Variants in ADAMTS1 observed in about 807,000 individuals in gnomAD.
The protein encoded by ADAMTS1 is A disintegrin and metalloproteinase with thrombospondin motifs 1.
In ADAMTS1, 19 loss-of-function variants were observed where a neutral mutation model predicts 87.9. The observed-to-expected ratio is 0.22, with a 90% CI of 0.15 to 0.32. The LOEUF (loss-of-function observed/expected upper bound fraction) is 0.32, where lower values mean the gene tolerates loss of function less well. Ranked by LOEUF, ADAMTS1 falls within the 10% of genes least tolerant of loss-of-function variation. The probability of loss-of-function intolerance (pLI) is 1.00; values close to 1 mark genes in which losing one functional copy is unlikely to be tolerated. For missense variants in ADAMTS1, 1,240 were observed against 1,259.1 expected, an observed-to-expected ratio of 0.98 and a Z score of 0.23; for synonymous variants, 542 against 501.8, an observed-to-expected ratio of 1.08 and a Z score of -1.07.
intron 1 of ADAMTS1, 137 bp downstream of exon 1, chr21:26,844,088 C>T: frequency 5.4e-6 from 6 of 1,107,674 alleles, no homozygotes; most frequent in Non-Finnish European, 7.5e-6. Context: ...AAACCACATT[C>T]CTCCACTCCA....
At chr21:26,839,263 A>G (rs1186952542) in intron 7 of ADAMTS1, 1 of 193,526 alleles carries the variant, frequency 5.2e-6, no homozygotes, top group Admixed American at 5.6e-5. Context: ...CTGTGTGAAT[A>G]TAAAATGTAT....
intron 1 of ADAMTS1, chr21:26,843,748 A>G (rs769233134): frequency 2.0e-6 from 1 of 496,396 alleles, no homozygotes. Context: ...GTACCTTCCC[A>G]GGTCACCATT....
Position 26,837,892 on chromosome 21 carries a change from C to T in ADAMTS1, c.2591G>A (p.Gly864Asp). The change falls in exon 9 of 9, where the codon GGC (glycine) becomes GAC (aspartate). Residue 864 changes from glycine to aspartate, a missense_variant. Transcript: ENST00000284984. ...CAATTCACATGACTTAGAACATTCG[C>T]CCCACTCTTCAATGACCCATGCTGA... ...TFSAWVIEEW[G>D]ECSKSCELGW... The T allele has an allele frequency of 1.2e-6, 2 of 1,614,226 alleles. No individual in the cohort carries two copies. Among genetic ancestry groups the T allele is most frequent in the Non-Finnish European group, 1.7e-6 (2 of 1,180,030 alleles).
chr21:26,840,116 G>A (rs570511774), intron 5 of ADAMTS1, 55 bp from the exon 6 acceptor site: 133 of 1,567,104 alleles, frequency 8.5e-5, no homozygotes, highest in Admixed American at 1.7e-4. Context: ...AACTTTTAGG[G>A]TATCAAAGAA....
rs2123316340 is a variant in ADAMTS1 at position 26,838,575 on chromosome 21, C to T, written c.2068G>A (p.Val690Ile). The change falls in exon 8 of 9, where the codon GTC (valine) becomes ATC (isoleucine). Residue 690 changes from valine to isoleucine, a missense_variant. By Grantham distance (29) the Val-to-Ile change is conservative. Around this residue, in one of 3 missense-constraint regions of ADAMTS1, gnomAD observed 402 missense variants for 399.1 expected, o/e 1.01. Coordinates refer to ENST00000284984, the MANE Select transcript of ADAMTS1 (RefSeq NM_006988.5). ...GTPCSPDSTS[V>I]CVQGQCVKAG... is the part of the protein sequence containing the mutation. The stretch of plus-strand genomic sequence containing the variant: ...TTTACACACTGTCCTTGCACACAGA[C>T]AGAGGTGGAATCTGGGCTACATGGA... 1 of 1,614,086 alleles carries T rather than the reference C, an allele frequency of 6.2e-7. No homozygotes were observed. Among genetic ancestry groups the T allele is most frequent in the South Asian group, 1.1e-5 (1 of 91,080 alleles).
chr21:26,840,157 A>T (rs1158976319), intron 5 of ADAMTS1, 96 bp from the exon 6 acceptor site: 2 of 1,548,700 alleles, frequency 1.3e-6, no homozygotes, highest in Non-Finnish European at 1.7e-6. Context: ...CAGTTCTAAA[A>T]ATAAGCTATC....
chr21:26,839,456 G>A, intron 7 of ADAMTS1, 131 bp downstream of exon 7: 1 of 851,902 alleles, frequency 1.2e-6, no homozygotes, highest in South Asian at 2.3e-5. Context: ...TAATGTAAAA[G>A]AAAAGGAGTT....
At chr21:26,841,821 T>C in intron 3 of ADAMTS1, 37 bp downstream of exon 3, 1 of 1,593,898 alleles carries the variant, frequency 6.3e-7, no homozygotes, top group Non-Finnish European at 8.5e-7. Flanking sequence ...TTTACATTTC[T>C]GAATTGAGCT....
Position 26,838,276 on chromosome 21 carries a change from G to C in ADAMTS1, c.2207C>G (p.Pro736Arg). 2 of 1,599,400 alleles carry C rather than the reference G, an allele frequency of 1.3e-6. No individual in the cohort carries two copies. The highest frequency in any genetic ancestry group is 1.7e-6 in the Non-Finnish European group (2 of 1,171,336). The part of the protein sequence containing the change: ...KISGSVTSAK[P>R]GYHDIITIPT... ...AATTGTGATGATATCATGATATCCA[G>C]GTCTGCAGGTGACAAAAACAGGCAT... The change falls in exon 9 of 9, where the codon CCT becomes CGT. Residue 736 changes from proline to arginine, a missense_variant and splice_region_variant. Around this residue, in one of 3 missense-constraint regions of ADAMTS1, gnomAD observed 402 missense variants for 399.1 expected, o/e 1.01. Coordinates refer to ENST00000284984, the MANE Select transcript of ADAMTS1 (RefSeq NM_006988.5).
At position 26,838,603 on chromosome 21, in the gene ADAMTS1, A is replaced by G; in HGVS notation, c.2040T>C (p.Gly680=). ...AGGTGGAATCTGGGCTACATGGAGT[A>G]CCATCTACAACCTGAAAAAAGGACA... The part of the protein sequence containing the change: ...FFVLQPKVVD[G]TPCSPDSTSV... The change falls in exon 8 of 9, where the codon GGT becomes GGC. Residue 680 remains glycine, a synonymous_variant. Coordinates refer to ENST00000284984, the MANE Select transcript of ADAMTS1 (RefSeq NM_006988.5). 6.2e-7 allele frequency: 1 copy of G among 1,613,676 alleles called. No individual in the cohort carries two copies. Among genetic ancestry groups the G allele is most frequent in the East Asian group, 2.2e-5 (1 of 44,864 alleles).
Position 26,837,596 on chromosome 21 carries a change from T to TTGTGCAAAAGTCTATGAAA in ADAMTS1, c.2868_2886dup (p.Met963PhefsTer26). The TTGTGCAAAAGTCTATGAAA allele has an allele frequency of 6.2e-7, 1 of 1,613,990 alleles. No homozygotes were observed. The highest frequency in any genetic ancestry group is 8.5e-7 in the Non-Finnish European group (1 of 1,179,932). On this transcript the variant is annotated frameshift_variant, in exon 9 of 9. Coordinates refer to ENST00000284984, the MANE Select transcript of ADAMTS1 (RefSeq NM_006988.5). LOFTEE classifies it high-confidence loss of function. ...TAAACCACTTAACTGCATTCTGCCA[T>TTGTGCAAAAGTCTATGAAA]TGTGCAAAAGTCTATGAAATGTTTA...
chr21:26,837,129 C>A lies in ADAMTS1; in HGVS notation c.*450G>T, dbSNP rs950616267. 6.1e-6 allele frequency: 1 copy of A among 163,886 alleles called. No homozygotes were observed. Among genetic ancestry groups the A allele is most frequent in the African/African-American group, 2.4e-5 (1 of 41,538 alleles). 10.2% of individuals were successfully genotyped at this position (163,886 alleles called of 1,614,324 possible). ...ATCCTATTTGTACTCCTTTCTCCCC[C>A]CATTGTTAGTGAGGTAAAGTAAAAC... On this transcript the variant is annotated 3_prime_UTR_variant, in exon 9 of 9. Transcript: ENST00000284984.
chr21:26,844,888 G>T lies in ADAMTS1; in HGVS notation c.67C>A (p.Arg23=), dbSNP rs201167243. The T allele has an allele frequency of 5.2e-6, 8 of 1,533,886 alleles. No homozygotes were observed. Among genetic ancestry groups the T allele is most frequent in the East Asian group, 2.3e-5 (1 of 43,668 alleles). Residue 23 remains arginine (R), a synonymous_variant, in exon 1 of 9, where the codon CGG becomes AGG. Transcript: ENST00000284984. ...KLGSDMGNAE[R]APGSRSFGPV... is the part of the protein sequence containing the mutation. ...CCAAAGCTCCGAGACCCCGGAGCCC[G>T]CTCCGCGTTCCCCATGTCGCTGCCC... is the stretch of plus-strand genomic sequence containing the variant.
Position 26,841,185 on chromosome 21 carries a change from C to G in ADAMTS1, c.1211-20G>C, listed in dbSNP as rs778056267. The G allele has an allele frequency of 1.2e-6, 2 of 1,612,130 alleles. No individual in the cohort carries two copies. Among genetic ancestry groups the G allele is most frequent in the East Asian group, 2.2e-5 (1 of 44,820 alleles). On this transcript the variant is annotated intron_variant, in intron 3 of 8. Coordinates refer to ENST00000284984, the MANE Select transcript of ADAMTS1 (RefSeq NM_006988.5). Reference sequence around the variant, plus strand: ...CGTGGCCTAGGAAGCAATCCAGAACCCACATTAAAGTATGGATCATGGCTG... The same window carrying G: ...CGTGGCCTAGGAAGCAATCCAGAACGCACATTAAAGTATGGATCATGGCTG...
In ADAMTS1 at chr21:26,839,723, T is replaced by A. The variant is rs1985450331; in HGVS notation, c.1892A>T (p.Glu631Val). 4 of 1,613,154 alleles carry A rather than the reference T, an allele frequency of 2.5e-6. No individual in the cohort carries two copies. The East Asian group carries it at 8.9e-5, about 36-fold the overall frequency. ...FREEQCEAHNEFSKASFGSGP... is the reference protein window; with the variant it reads ...FREEQCEAHNVFSKASFGSGP... ...ACTCCCAAAGGAAGCTTTTGAAAAC[T>A]CGTTGTGTGCTTCACATTGTTCCTC... Residue 631 changes from glutamate to valine, a missense_variant, in exon 7 of 9, where the codon GAG (glutamate) becomes GTG (valine). By Grantham distance (121) the Glu-to-Val change is moderately radical. Coordinates refer to ENST00000284984, the MANE Select transcript of ADAMTS1 (RefSeq NM_006988.5).
At position 26,838,941 on chromosome 21, in the gene ADAMTS1, T is replaced by G. The variant is rs147863436; in HGVS notation, c.2029-327A>C. 697 of 215,254 alleles carry G rather than the reference T, an allele frequency of 3.2e-3. 4 individuals carry two copies. The highest frequency in any genetic ancestry group is 0.015 in the African/African-American group (646 of 44,054). 13.3% of individuals were successfully genotyped at this position (215,254 alleles called of 1,614,324 possible). A position where few individuals can be genotyped will look rare whatever the true frequency, so the allele number is the denominator to read the frequency against. The stretch of plus-strand genomic sequence containing the variant: ...TAGAATAATTAGTATCTGGCAAGAG[T>G]AAGTGCTTCAGAAATCACTTGCTGA... On this transcript the variant is annotated intron_variant, in intron 7 of 8. Transcript: ENST00000284984.
chr21:26,844,660 C>T lies in ADAMTS1; in HGVS notation c.295G>A (p.Gly99Ser), dbSNP rs532454101. ...CGCCCCACGTTCTGGAGCGTGAAGC[C>T]GGGCGCCAAAAAGCTGCTGTCGGGC... Reference protein sequence around the residue: ...LRPDSSFLAPGFTLQNVGRKS... With the variant: ...LRPDSSFLAPSFTLQNVGRKS... Residue 99 changes from glycine to serine, a missense_variant, in exon 1 of 9, where the codon GGC becomes AGC. Transcript: ENST00000284984. The T allele has an allele frequency of 6.2e-6, 10 of 1,600,344 alleles. No homozygotes were observed. The South Asian group carries it at 7.9e-5, about 13-fold the overall frequency.
At chr21:26,841,648 C>T (rs1244191218) in intron 3 of ADAMTS1, 1 of 510,984 alleles carries the variant, frequency 2.0e-6, no homozygotes, top group Non-Finnish European at 3.3e-6. Context: ...AACAAACATA[C>T]ACATTTCCAA....
In ADAMTS1 at chr21:26,837,656, A is replaced by C. The variant is rs1351225159; in HGVS notation, c.2827T>G (p.Leu943Val). ...AAAGGATCACAGCTCTCATGAGATA[A>C]CACCCCTCCATCATGGGACAGACAC... ...LKCLSHDGGV[L>V]SHESCDPLKK... Residue 943 changes from leucine to valine, a missense_variant, in exon 9 of 9, where the codon TTA (leucine) becomes GTA (valine). Around this residue, in one of 3 missense-constraint regions of ADAMTS1, gnomAD observed 402 missense variants for 399.1 expected, o/e 1.01. Coordinates refer to ENST00000284984, the MANE Select transcript of ADAMTS1 (RefSeq NM_006988.5). The C allele has an allele frequency of 1.9e-6, 3 of 1,614,206 alleles. No individual in the cohort carries two copies. The highest frequency in any genetic ancestry group is 2.5e-6 in the Non-Finnish European group (3 of 1,180,046).
Sources: gnomAD v4.1 joint callset for allele counts on GRCh38, gnomAD v4.1.1 for gene constraint, gnomAD v4.1.1 regional missense constraint, MANE v1.5 for transcripts, NCBI Gene and HGNC (gene_info 2026-07-23, HGNC 2026-07-21) for gene names.